Variants in ITPRID1 observed in about 807,000 individuals in gnomAD.
The protein encoded by ITPRID1 is ITPR interacting domain containing 1.
A neutral mutation model predicts 95.4 loss-of-function variants in ITPRID1; 96 were observed. That is an observed-to-expected ratio of 1.01 (90% confidence interval 0.85 to 1.19). ITPRID1 has a LOEUF of 1.19. Ranked by LOEUF, ITPRID1 falls within the 50% of genes most tolerant of loss-of-function variation. ITPRID1 has a pLI of 0.00. For synonymous variants in ITPRID1, 510 were observed against 453.6 expected (o/e 1.12, Z -1.58); for missense variants, 1,339 against 1,252.9 (o/e 1.07, Z -1.04).
At chr7:31,516,386 T>TATACA (rs1240486785) in intron 1 of ITPRID1, among the ~76,000 whole-genome samples, 4 of 152,200 alleles carry the variant, frequency 2.6e-5, no homozygotes, top group Non-Finnish European at 5.9e-5. Context: ...TGACCCAAAT[T>TATACA]ATACAATCTT....
At position 31,643,016 on chromosome 7, in the gene ITPRID1, C is replaced by T. The variant is rs1432820802; in HGVS notation, c.1646C>T (p.Ala549Val). The T allele has an allele frequency of 1.9e-6, 3 of 1,613,884 alleles. No homozygotes were observed. The highest frequency in any genetic ancestry group is 2.5e-6 in the Non-Finnish European group (3 of 1,179,894). ...TGGCAGCTTCTGCCAATGCCCCATG[C>T]TGAGTATGAGGTCACCAGACCCACA... is the stretch of plus-strand genomic sequence containing the variant. ...HLWQLLPMPH[A>V]EYEVTRPTAT... The change falls in exon 12 of 15, where the codon GCT (alanine) becomes GTT (valine). Residue 549 changes from alanine (A) to valine (V), a missense_variant. By Grantham distance (64) the Ala-to-Val change is moderately conservative. Coordinates refer to ENST00000615280, the MANE Select transcript of ITPRID1 (RefSeq NM_001257967.3).
chr7:31,554,895 C>T lies in ITPRID1; in HGVS notation c.250C>T (p.Arg84Cys), dbSNP rs201211575. Residue 84 changes from arginine to cysteine, a missense_variant, in exon 5 of 15, where the codon CGC (arginine) becomes TGC (cysteine). Transcript: ENST00000615280. ...ANENFQQVIDRTVSLYEQGMV... is the reference protein window; with the variant it reads ...ANENFQQVIDCTVSLYEQGMV... ...TGAAAACTTTCAACAAGTCATTGAC[C>T]GCACTGGTAAGACAAGAGAAGCAGT... 2.1e-4 allele frequency: 326 copies of T among 1,578,796 alleles called. No homozygotes were observed. The highest frequency in any genetic ancestry group is 1.5e-4 in the Non-Finnish European group (170 of 1,159,548).
intron 10 of ITPRID1, among the ~76,000 whole-genome samples, chr7:31,640,580 A>G (rs1383741124): frequency 6.6e-6 from 1 of 151,850 alleles, no homozygotes; most frequent in Non-Finnish European, 1.5e-5. Context: ...GGTTCAGATC[A>G]CTTGTTCCTG....
At chr7:31,566,477 G>A (rs1160322280) in intron 5 of ITPRID1, among the ~76,000 whole-genome samples, 1 of 152,148 alleles carries the variant, frequency 6.6e-6, no homozygotes, top group African/African-American at 2.4e-5. Context: ...GAAAATGGGT[G>A]TTCAAAAACT....
chr7:31,591,618 G>C (rs1234660821), intron 10 of ITPRID1, among the ~76,000 whole-genome samples: 1 of 151,926 alleles, frequency 6.6e-6, no homozygotes, highest in Non-Finnish European at 1.5e-5. Context: ...TGGGTAACCA[G>C]GAGTGGTGTT....
intron 5 of ITPRID1, among the ~76,000 whole-genome samples, chr7:31,568,429 T>C (rs1192246023): frequency 6.6e-6 from 1 of 152,168 alleles, no homozygotes; most frequent in Non-Finnish European, 1.5e-5. Flanking sequence ...ACCTCTATTA[T>C]CTTTCTTATG....
chr7:31,633,353 G>A (rs1052208352), intron 10 of ITPRID1, among the ~76,000 whole-genome samples: 2 of 152,174 alleles, frequency 1.3e-5, no homozygotes, highest in Non-Finnish European at 2.9e-5. Context: ...TTCCTAAAAC[G>A]TATGATGCTC....
chr7:31,542,543 T>C (rs1783967052), intron 1 of ITPRID1, among the ~76,000 whole-genome samples: 1 of 152,220 alleles, frequency 6.6e-6, no homozygotes, highest in Admixed American at 6.5e-5. Flanking sequence ...AGAACTGTTA[T>C]TCTTTCCCAA....
chr7:31,587,844 CA>C (rs1785686144), intron 10 of ITPRID1, among the ~76,000 whole-genome samples: 1 of 151,230 alleles, frequency 6.6e-6, no homozygotes, highest in Non-Finnish European at 1.5e-5. Flanking sequence ...CGCATATCTA[CA>C]ACTATCTGAT....
At chr7:31,614,871 A>ATAT (rs2128166608) in intron 10 of ITPRID1, among the ~76,000 whole-genome samples, 1 of 152,256 alleles carries the variant, frequency 6.6e-6, no homozygotes, top group South Asian at 2.1e-4. Flanking sequence ...GGCCCCATTT[A>ATAT]TATTTTTTAT....
Position 31,578,212 on chromosome 7 carries a change from G to T in ITPRID1, c.948G>T (p.Gln316His). Residue 316 changes from glutamine (Q) to histidine (H), a missense_variant, in exon 9 of 15, where the codon CAG (glutamine) becomes CAT (histidine). Transcript: ENST00000615280. Reference sequence around the variant, plus strand: ...ATTTGTCTCTGTCAGTAGAACATCAGTCTCTCCAAGCCTGTGATGATTTGC... The same window carrying T: ...ATTTGTCTCTGTCAGTAGAACATCATTCTCTCCAAGCCTGTGATGATTTGC... ...QNHLSLSVEH[Q>H]SLQACDDLLP... 1 of 1,613,718 alleles carries T rather than the reference G, an allele frequency of 6.2e-7. No individual in the cohort carries two copies. Among genetic ancestry groups the T allele is most frequent in the Non-Finnish European group, 8.5e-7 (1 of 1,179,764 alleles).
At chr7:31,608,233 A>G (rs1786713209) in intron 10 of ITPRID1, among the ~76,000 whole-genome samples, 1 of 152,032 alleles carries the variant, frequency 6.6e-6, no homozygotes, top group Non-Finnish European at 1.5e-5. Flanking sequence ...GTCTGTCTGT[A>G]TACTACTAAC....
At chr7:31,608,138 C>T (rs1205058403) in intron 10 of ITPRID1, among the ~76,000 whole-genome samples, 1 of 151,880 alleles carries the variant, frequency 6.6e-6, no homozygotes, top group Non-Finnish European at 1.5e-5. Context: ...ATTGAATTAC[C>T]TTAGTACCTT....
chr7:31,644,271 C>T (rs1418040154), intron 12 of ITPRID1, among the ~76,000 whole-genome samples: 1 of 140,656 alleles, frequency 7.1e-6, no homozygotes, highest in East Asian at 2.2e-4. Context: ...ATCTGTAACT[C>T]ATCTCCAGTT....
intron 10 of ITPRID1, among the ~76,000 whole-genome samples, chr7:31,623,388 TC>T (rs1412364529): frequency 2.0e-5 from 3 of 151,298 alleles, no homozygotes; most frequent in African/African-American, 7.3e-5. Flanking sequence ...CAGCAGCACA[TC>T]AAAAAGCTTA....
chr7:31,651,095 G>A, intron 12 of ITPRID1, 47 bp from the exon 13 acceptor site: 2 of 1,588,092 alleles, frequency 1.3e-6, no homozygotes, highest in Non-Finnish European at 1.7e-6. Flanking sequence ...AGCTCTTGCA[G>A]AGGATCAGAG....
chr7:31,651,496 A>G (rs1790945418), intron 13 of ITPRID1, among the ~76,000 whole-genome samples: 1 of 152,182 alleles, frequency 6.6e-6, no homozygotes, highest in Non-Finnish European at 1.5e-5. Flanking sequence ...ACAGGCAGTC[A>G]GGGGCATTGA....
intron 5 of ITPRID1, among the ~76,000 whole-genome samples, chr7:31,557,464 G>A (rs1230412467): frequency 4.6e-5 from 7 of 152,044 alleles, no homozygotes; most frequent in Non-Finnish European, 8.8e-5. Flanking sequence ...CATGAGGCTT[G>A]GCCTTTTATG....
intron 1 of ITPRID1, among the ~76,000 whole-genome samples, chr7:31,548,085 C>A (rs768974233): frequency 9.2e-5 from 14 of 151,898 alleles, no homozygotes; most frequent in Non-Finnish European, 1.8e-4. Context: ...GGTGCCCAAG[C>A]AAAATCTATG....
Sources: allele counts gnomAD v4.1 joint callset (sites outside exome capture counted in the v4.1 genomes callset), GRCh38; gene constraint gnomAD v4.1.1; transcripts MANE v1.5; gene names NCBI Gene and HGNC (gene_info 2026-07-23, HGNC 2026-07-21).